Variants in GARNL3 observed in about 807,000 individuals in gnomAD.
The protein encoded by GARNL3 is GTPase activating Rap/RanGAP domain like 3, also known as GTPase-activating Rap/Ran-GAP domain-like protein 3.
In GARNL3, 63 loss-of-function variants were observed where a neutral mutation model predicts 125.0. The ratio of observed to expected loss-of-function variants is 0.50; its 90% confidence interval spans 0.41 to 0.62. The LOEUF is 0.62. GARNL3 is among the 20% of genes least tolerant of loss of function. The pLI is 0.00. For synonymous variants in GARNL3, 439 were observed against 457.5 expected (o/e 0.96, Z 0.52); for missense variants, 994 against 1,244.0 (o/e 0.80, Z 3.02).
chr9:127,225,920 A>G (rs2062904713), intron 1 of GARNL3, among the ~76,000 whole-genome samples: 1 of 150,976 alleles, frequency 6.6e-6, no homozygotes, highest in East Asian at 2.0e-4. Context: ...GGGGCCTCTC[A>G]CGGGACTACA....
chr9:127,332,169 C>A, intron 7 of GARNL3, 105 bp from the exon 8 acceptor site: 1 of 763,162 alleles, frequency 1.3e-6, no homozygotes, highest in Non-Finnish European at 2.3e-6. Flanking sequence ...CCCTGACTGT[C>A]CATCCTGGTG....
At chr9:127,357,587 C>T (rs1038526283) in intron 21 of GARNL3, among the ~76,000 whole-genome samples, 6 of 152,062 alleles carry the variant, frequency 3.9e-5, no homozygotes, top group Non-Finnish European at 7.4e-5. Flanking sequence ...GTGACTGTCC[C>T]ATTTGCCCTG....
chr9:127,250,029 A>G (rs898571590), intron 2 of GARNL3, among the ~76,000 whole-genome samples: 2 of 152,138 alleles, frequency 1.3e-5, no homozygotes, highest in Non-Finnish European at 2.9e-5. Flanking sequence ...AGAATACAAG[A>G]GCTTTTTTGT....
chr9:127,351,924 GCCT>G (rs1830441836), intron 17 of GARNL3, among the ~76,000 whole-genome samples: 1 of 152,174 alleles, frequency 6.6e-6, no homozygotes, highest in African/African-American at 2.4e-5. Flanking sequence ...TCAGGTCCTT[GCCT>G]CCTCCTCCTT....
chr9:127,277,013 C>A (rs1018164745), intron 1 of GARNL3, among the ~76,000 whole-genome samples: 2 of 152,200 alleles, frequency 1.3e-5, no homozygotes, highest in Non-Finnish European at 2.9e-5. Flanking sequence ...TCCCCCAACT[C>A]CCATCCACAA....
Position 127,264,825 on chromosome 9 carries a change from G to A in GARNL3, c.-53G>A, listed in dbSNP as rs2063667271. On this transcript the variant is annotated 5_prime_UTR_variant, in exon 1 of 28. Transcript: ENST00000373387. ...GTGTCTGTTGCAAGGAGGCTCCCCT[G>A]CAGTGAGGAGCCGGGGCACTGCAAG... 2.1e-6 allele frequency: 3 copies of A among 1,457,986 alleles called. No individual in the cohort carries two copies. The highest frequency in any genetic ancestry group is 2.5e-5 in the East Asian group (1 of 39,378). 90.3% of individuals were successfully genotyped at this position (1,457,986 alleles called of 1,614,324 possible).
At chr9:127,269,782 T>G (rs2063778454) in intron 1 of GARNL3, among the ~76,000 whole-genome samples, 1 of 108,190 alleles carries the variant, frequency 9.2e-6, no homozygotes, top group Non-Finnish European at 1.9e-5. Context: ...GTTTTGTTTT[T>G]TGTGTTTTTT....
At chr9:127,244,563 T>C (rs1409605672) in intron 2 of GARNL3, among the ~76,000 whole-genome samples, 4 of 152,222 alleles carry the variant, frequency 2.6e-5, no homozygotes, top group Non-Finnish European at 5.9e-5. Context: ...CCCCAGGTGA[T>C]TCTCACGTGT....
At chr9:127,241,353 G>A (rs1056410694) in intron 1 of GARNL3, among the ~76,000 whole-genome samples, 3 of 152,124 alleles carry the variant, frequency 2.0e-5, no homozygotes, top group Non-Finnish European at 2.9e-5. Context: ...TTATTTATTT[G>A]TTGGTGTATC....
chr9:127,320,373 A>G (rs1282461154), intron 5 of GARNL3, among the ~76,000 whole-genome samples: 2 of 152,238 alleles, frequency 1.3e-5, no homozygotes, highest in Non-Finnish European at 2.9e-5. Flanking sequence ...AGTCTTGTTA[A>G]GGATGGTCTT....
intron 4 of GARNL3, 102 bp downstream of exon 4, chr9:127,313,661 CAT>C: frequency 1.2e-6 from 1 of 819,470 alleles, no homozygotes; most frequent in Non-Finnish European, 2.1e-6. Context: ...GGGCATGCCT[CAT>C]AGTCTTCTCG....
chr9:127,366,549 C>T (rs1420359269), intron 22 of GARNL3, among the ~76,000 whole-genome samples: 6 of 152,144 alleles, frequency 3.9e-5, no homozygotes, highest in Admixed American at 2.0e-4. Flanking sequence ...AAAGTATGCT[C>T]TTTTTTCTGA....
At chr9:127,225,293 G>T (rs1469569854) in intron 1 of GARNL3, 1 of 971,366 alleles carries the variant, frequency 1.0e-6, no homozygotes, top group East Asian at 1.1e-4. Context: ...GCCCGAGCCC[G>T]CGGCCCCCGC....
intron 21 of GARNL3, chr9:127,363,244 A>G (rs1831107945): frequency 6.6e-6 from 1 of 152,284 alleles, no homozygotes; most frequent in African/African-American, 2.4e-5. Context: ...GGTCTGTCCA[A>G]TGCCAGTGCT....
intron 14 of GARNL3, among the ~76,000 whole-genome samples, chr9:127,342,795 A>G (rs1401508331): frequency 4.6e-5 from 7 of 151,716 alleles, no homozygotes; most frequent in African/African-American, 1.5e-4. Context: ...AAGCATTCCC[A>G]TTTACTGAAG....
chr9:127,379,009 C>G (rs548419959), intron 22 of GARNL3, among the ~76,000 whole-genome samples: 2 of 152,296 alleles, frequency 1.3e-5, no homozygotes, highest in East Asian at 3.9e-4. Context: ...AACTCCTGAC[C>G]TCAAGTGATC....
In GARNL3 at chr9:127,354,381, G is replaced by T. The variant is rs746299062; in HGVS notation, c.1730G>T (p.Cys577Phe). 1 of 1,612,248 alleles carries T rather than the reference G, an allele frequency of 6.2e-7. No individual in the cohort carries two copies. The highest frequency in any genetic ancestry group is 1.1e-5 in the South Asian group (1 of 90,914). The change falls in exon 19 of 28, where the codon TGC becomes TTC. Residue 577 changes from cysteine (C) to phenylalanine (F), a missense_variant. Cys to Phe is a radical substitution (Grantham distance 205, BLOSUM62 -2). Around this residue, in one of 5 missense-constraint regions of GARNL3, gnomAD observed 728 missense variants for 865.7 expected, o/e 0.84. Transcript: ENST00000373387. Reference protein sequence around the residue: ...GKQAGKSRSDCRENKLEKTKG... With the variant: ...GKQAGKSRSDFRENKLEKTKG... ...CAGGCTGGGAAGAGCAGGTCTGACT[G>T]CAGAGAAAACAAGTTGGAGAAAACA...
intron 22 of GARNL3, among the ~76,000 whole-genome samples, chr9:127,365,978 A>T (rs2131725588): frequency 6.6e-6 from 1 of 152,342 alleles, no homozygotes; most frequent in Middle Eastern, 3.4e-3. Flanking sequence ...GACCAAAGGT[A>T]TCAAATGGGA....
intron 1 of GARNL3, among the ~76,000 whole-genome samples, chr9:127,229,841 A>G (rs1387135742): frequency 6.6e-6 from 1 of 152,240 alleles, no homozygotes; most frequent in Non-Finnish European, 1.5e-5. Context: ...TGGTTTAGCC[A>G]TATTTACCTA....
Sources: gnomAD v4.1 joint callset for allele counts (sites outside exome capture counted in the v4.1 genomes callset) on GRCh38, gnomAD v4.1.1 for gene constraint, gnomAD v4.1.1 regional missense constraint, MANE v1.5 for transcripts, NCBI Gene and HGNC (gene_info 2026-07-23, HGNC 2026-07-21) for gene names.